Variants in TTC5 observed in about 807,000 individuals in gnomAD.
TTC5 encodes tetratricopeptide repeat protein 5.
TTC5 carries 46 observed loss-of-function variants against 57.4 expected under a neutral mutation model. That is an observed-to-expected ratio of 0.80 (90% CI 0.63 to 1.03). TTC5 has a LOEUF of 1.03. Ranked by LOEUF, TTC5 falls within the 50% of genes least tolerant of loss-of-function variation. The pLI, the probability that TTC5 is intolerant of heterozygous loss-of-function variation, is 0.00. For synonymous variants in TTC5, 190 were observed against 203.5 expected, an observed-to-expected ratio of 0.93 and a Z score of 0.57; for missense variants, 504 against 528.1, an observed-to-expected ratio of 0.95 and a Z score of 0.45.
At chr14:20,300,326 C>T (rs939227946) in intron 3 of TTC5, 2 of 345,292 alleles carry the variant, frequency 5.8e-6, no homozygotes, top group Admixed American at 4.5e-5. Context: ...ATTCTTGCTG[C>T]CATCTGTATC....
In TTC5 at chr14:20,299,811, C is replaced by T. The variant is rs541444148; in HGVS notation, c.397-363G>A. On this transcript the variant is annotated intron_variant, in intron 3 of 9. Coordinates refer to ENST00000258821, the MANE Select transcript of TTC5 (RefSeq NM_138376.3). ...CAAGTGATCTGCCTGCCTCAGCCTC[C>T]CAAAGCGCGGGATTACAGGTGTGAG... Among the ~76,000 whole-genome samples the T allele has an allele frequency of 6.6e-5, 10 of 151,412 alleles. No homozygotes were observed. In the South Asian group the frequency reaches 2.1e-3, roughly 32 times the overall value.
chr14:20,295,522 T>C lies in TTC5; in HGVS notation c.848A>G (p.Lys283Arg). Reference protein sequence around the residue: ...RLTSLLESKGKVKTKKLQSML... With the variant: ...RLTSLLESKGRVKTKKLQSML... ...GCTCTGCAGCTTTTTGGTCTTCACC[T>C]TTCCCTGCAAAGAAGGGGAAATAGG... Residue 283 changes from lysine to arginine, a missense_variant, in exon 8 of 10, where the codon AAG (lysine) becomes AGG (arginine). Lys to Arg is a conservative substitution (Grantham distance 26). Transcript: ENST00000258821. 1 of 1,608,386 alleles carries C rather than the reference T, an allele frequency of 6.2e-7. No homozygotes were observed. The highest frequency in any genetic ancestry group is 8.5e-7 in the Non-Finnish European group (1 of 1,175,838).
chr14:20,299,189 C>T, intron 4 of TTC5, 109 bp downstream of exon 4: 2 of 1,247,430 alleles, frequency 1.6e-6, no homozygotes, highest in Non-Finnish European at 2.2e-6. Context: ...CAAAGATGCC[C>T]TCTCTGGCTT....
chr14:20,295,127 A>T (rs1004493863), intron 8 of TTC5, 185 bp downstream of exon 8: 1 of 603,458 alleles, frequency 1.7e-6, no homozygotes, highest in Non-Finnish European at 2.9e-6. Flanking sequence ...AATCTACAAA[A>T]GCCTCTGATC....
At chr14:20,304,548 C>G (rs1002622452) in intron 1 of TTC5, among the ~76,000 whole-genome samples, 1 of 152,238 alleles carries the variant, frequency 6.6e-6, no homozygotes, top group Non-Finnish European at 1.5e-5. Flanking sequence ...ACACCATTAT[C>G]TAATCCTTTT....
chr14:20,300,372 A>G, intron 3 of TTC5: 1 of 494,330 alleles, frequency 2.0e-6, no homozygotes, highest in Non-Finnish European at 3.6e-6. Context: ...CTTAGCTGCT[A>G]GCTTTTCTTC....
intron 9 of TTC5, among the ~76,000 whole-genome samples, chr14:20,291,592 T>C (rs1033979639): frequency 1.2e-3 from 184 of 152,322 alleles, no homozygotes; most frequent in Admixed American, 1.8e-3. Flanking sequence ...GTCTACTCAA[T>C]GTGGTGAAAT....
intron 8 of TTC5, chr14:20,293,453 G>C (rs184786091): frequency 3.3e-5 from 5 of 152,364 alleles, no homozygotes; most frequent in Non-Finnish European, 5.9e-5. Context: ...GTGGGAAAGA[G>C]ACAAAAGATA....
chr14:20,304,809 A>G (rs1882257690), intron 1 of TTC5, among the ~76,000 whole-genome samples: 1 of 152,158 alleles, frequency 6.6e-6, no homozygotes, highest in Non-Finnish European at 1.5e-5. Context: ...GTTTGGTTTT[A>G]TTGTTTGGTT....
At chr14:20,295,935 G>T in intron 6 of TTC5, 81 bp from the exon 7 acceptor site, 1 of 1,365,316 alleles carries the variant, frequency 7.3e-7, no homozygotes, top group Non-Finnish European at 9.9e-7. Context: ...TAGGAATCTA[G>T]AGAAATAAAC....
In TTC5 at chr14:20,295,474, G is replaced by C; in HGVS notation, c.896C>G (p.Ala299Gly). The C allele has an allele frequency of 6.2e-7, 1 of 1,614,094 alleles. No homozygotes were observed. The highest frequency in any genetic ancestry group is 8.5e-7 in the Non-Finnish European group (1 of 1,179,976). ...LQSMLGSLRP[A>G]HLGPCSDGHY... is the part of the protein sequence containing the mutation. ...CCCATCACTGCAAGGGCCTAGATGG[G>C]CTGGGCGCAAGCTTCCCAGCATGCT... The change falls in exon 8 of 10, where the codon GCC becomes GGC. Residue 299 changes from alanine (A) to glycine (G), a missense_variant. Physicochemically the swap from Ala to Gly is moderately conservative, Grantham distance 60. Coordinates refer to ENST00000258821, the MANE Select transcript of TTC5 (RefSeq NM_138376.3).
In TTC5 at chr14:20,289,203, T is replaced by C. The variant is rs1326836528; in HGVS notation, c.*424A>G. On this transcript the variant is annotated 3_prime_UTR_variant, in exon 10 of 10. Coordinates refer to ENST00000258821, the MANE Select transcript of TTC5 (RefSeq NM_138376.3). ...AGAGGAAGGACCTAAAGTTCAAAAATAAAAATAAAAATTGCTAAAAATAAA... is the reference window on the plus strand; with the variant it reads ...AGAGGAAGGACCTAAAGTTCAAAAACAAAAATAAAAATTGCTAAAAATAAA... 6.7e-6 allele frequency: 1 copy of C among 148,808 alleles called. No individual in the cohort carries two copies. The highest frequency in any genetic ancestry group is 2.0e-4 in the East Asian group (1 of 5,114). The allele number at this position is 148,808 out of a possible 1,614,324, so 9.2% of individuals were successfully genotyped here. A position where few individuals can be genotyped will look rare whatever the true frequency, so the allele number is the denominator to read the frequency against.
At position 20,287,901 on chromosome 14, in the gene TTC5, A is replaced by G. The variant is rs1881870907; in HGVS notation, c.*1726T>C. The stretch of plus-strand genomic sequence containing the variant: ...ACTCTAGGCCTCAAAATGACACCCA[A>G]AACTAATTTAAGACTCCATATGTGG... On this transcript the variant is annotated 3_prime_UTR_variant, in exon 10 of 10. Coordinates refer to ENST00000258821, the MANE Select transcript of TTC5 (RefSeq NM_138376.3). 6.6e-6 allele frequency: 1 copy of G among 152,176 alleles called. No individual in the cohort carries two copies. Among genetic ancestry groups the G allele is most frequent in the Admixed American group, 6.5e-5 (1 of 15,282 alleles). The allele number at this position is 152,176 out of a possible 1,614,324, so 9.4% of individuals were successfully genotyped here.
intron 6 of TTC5, 124 bp downstream of exon 6, chr14:20,296,266 C>T: frequency 1.3e-6 from 1 of 796,372 alleles, no homozygotes. Flanking sequence ...ATAGAAATAG[C>T]ATGGCTTTCC....
chr14:20,295,447 T>G lies in TTC5; in HGVS notation c.923A>C (p.His308Pro). The change falls in exon 8 of 10, where the codon CAC (histidine) becomes CCC (proline). Residue 308 changes from histidine (H) to proline (P), a missense_variant. His to Pro is a moderately conservative substitution (Grantham distance 77, BLOSUM62 -2). Coordinates refer to ENST00000258821, the MANE Select transcript of TTC5 (RefSeq NM_138376.3). ...TTTCTGCCCAGAGGCTGACTGATAGTGCCCATCACTGCAAGGGCCTAGATG... is the reference window on the plus strand; with the variant it reads ...TTTCTGCCCAGAGGCTGACTGATAGGGCCCATCACTGCAAGGGCCTAGATG... ...PAHLGPCSDG[H>P]YQSASGQKVT... The G allele has an allele frequency of 6.2e-7, 1 of 1,614,162 alleles. No individual in the cohort carries two copies. The highest frequency in any genetic ancestry group is 1.1e-5 in the South Asian group (1 of 91,084).
chr14:20,302,039 C>T lies in TTC5; in HGVS notation c.52-74G>A, dbSNP rs117482621. 1.1e-3 allele frequency: 1,744 copies of T among 1,534,492 alleles called. 34 individuals carry two copies. In the East Asian group the frequency reaches 0.036, roughly 32 times the overall value. On this transcript the variant is annotated intron_variant, in intron 1 of 9. Coordinates refer to ENST00000258821, the MANE Select transcript of TTC5 (RefSeq NM_138376.3). Reference sequence around the variant, plus strand: ...GGAAACTTGAAATTGGCTAGCCATACCAGCTCTTGGTCTAGAAATACCAAT... The same window carrying T: ...GGAAACTTGAAATTGGCTAGCCATATCAGCTCTTGGTCTAGAAATACCAAT...
chr14:20,296,959 G>A (rs779396682), intron 5 of TTC5, among the ~76,000 whole-genome samples: 8 of 152,142 alleles, frequency 5.3e-5, no homozygotes, highest in Non-Finnish European at 7.4e-5. Context: ...GCAGTGAGCC[G>A]AGATTGCACC....
intron 1 of TTC5, 136 bp from the exon 2 acceptor site, chr14:20,302,101 G>C (rs565417792): frequency 3.1e-5 from 30 of 956,718 alleles, no homozygotes; most frequent in Admixed American, 9.5e-5. Flanking sequence ...ATAGGCAGGT[G>C]GACAGGTTTA....
chr14:20,305,658 AT>A, intron 1 of TTC5: 1 of 587,300 alleles, frequency 1.7e-6, no homozygotes, highest in Non-Finnish European at 3.0e-6. Context: ...GGAGCAACAA[AT>A]CTTCTTCCAT....
Sources: allele counts gnomAD v4.1 joint callset (sites outside exome capture counted in the v4.1 genomes callset), GRCh38; gene constraint gnomAD v4.1.1; transcripts MANE v1.5; gene names NCBI Gene and HGNC (gene_info 2026-07-23, HGNC 2026-07-21).